CARMIL1: variants seen among roughly 807,000 people sequenced by gnomAD.
CARMIL1 encodes the protein capping protein regulator and myosin 1 linker 1, also known as F-actin-uncapping protein LRRC16A.
Under a neutral mutation model 177.1 loss-of-function variants are expected in CARMIL1, and 90 were observed. The observed-to-expected ratio is 0.51, with a 90% confidence interval of 0.43 to 0.61. The LOEUF (loss-of-function observed/expected upper bound fraction) is 0.61, where lower values mean the gene tolerates loss of function less well. Ranked by LOEUF, CARMIL1 falls within the 20% of genes least tolerant of loss-of-function variation. The pLI is 0.00. For missense variants in CARMIL1, 1,380 were observed against 1,667.0 expected (o/e 0.83, Z 3.00); for synonymous variants, 577 against 606.2 (o/e 0.95, Z 0.71).
At chr6:25,343,639 G>C (rs1787184910) in intron 2 of CARMIL1, among the ~76,000 whole-genome samples, 1 of 152,076 alleles carries the variant, frequency 6.6e-6, no homozygotes, top group Non-Finnish European at 1.5e-5. Flanking sequence ...CTTTACTTCA[G>C]CTTTTCCAAT....
At chr6:25,390,701 AT>A (rs992660550) in intron 2 of CARMIL1, among the ~76,000 whole-genome samples, 3 of 151,170 alleles carry the variant, frequency 2.0e-5, no homozygotes, top group Admixed American at 6.6e-5. Flanking sequence ...AAAAATTTTT[AT>A]TTTTTTTGCG....
intron 5 of CARMIL1, among the ~76,000 whole-genome samples, chr6:25,442,517 T>C (rs756286686): frequency 9.9e-5 from 15 of 151,686 alleles, no homozygotes; most frequent in Admixed American, 2.0e-4. Context: ...CGGTAACAAA[T>C]ACACTGATGG....
At chr6:25,569,258 G>A (rs1027476126) in intron 29 of CARMIL1, among the ~76,000 whole-genome samples, 11 of 152,298 alleles carry the variant, frequency 7.2e-5, no homozygotes, top group African/African-American at 2.4e-4. Context: ...CAGTAGGGAT[G>A]TTGATTAAAA....
In CARMIL1 at chr6:25,558,870, A is replaced by G. The variant is rs1344255483; in HGVS notation, c.2742+2020A>G. 6.6e-6 allele frequency among the ~76,000 whole-genome samples: 1 copy of G among 152,182 alleles called. No individual in the cohort carries two copies. The highest frequency in any genetic ancestry group is 2.4e-5 in the African/African-American group (1 of 41,448). ...TCAAAAAAAGAATATATAGGTAGGC[A>G]TGAGTTTTTAAGTCATGAAAGCAGC... On this transcript the variant is annotated intron_variant, in intron 29 of 36. Coordinates refer to ENST00000329474, the MANE Select transcript of CARMIL1 (RefSeq NM_017640.6). This position sits in a 1 kb window ranked among gnomAD's most constrained non-coding sequence, Gnocchi z 4.1.
chr6:25,310,359 G>A (rs1486970661), intron 2 of CARMIL1, among the ~76,000 whole-genome samples: 1 of 152,214 alleles, frequency 6.6e-6, no homozygotes, highest in Non-Finnish European at 1.5e-5. Context: ...TGAGAGATAG[G>A]TTGAATAGAA....
intron 5 of CARMIL1, among the ~76,000 whole-genome samples, chr6:25,448,851 C>T (rs975171557): frequency 2.6e-5 from 4 of 151,658 alleles, no homozygotes; most frequent in African/African-American, 7.3e-5. Context: ...TAAATGATTA[C>T]TCTGTGATAA....
intron 2 of CARMIL1, among the ~76,000 whole-genome samples, chr6:25,391,051 T>A (rs1792768281): frequency 6.6e-6 from 1 of 152,222 alleles, no homozygotes; most frequent in Non-Finnish European, 1.5e-5. Context: ...GAAAAAACTT[T>A]AAAGTTGGTT....
chr6:25,533,800 T>C (rs1452534020), intron 24 of CARMIL1, among the ~76,000 whole-genome samples: 2 of 152,232 alleles, frequency 1.3e-5, no homozygotes, highest in Admixed American at 6.5e-5. Flanking sequence ...CTCCTGGATC[T>C]AACCATTCAG....
At chr6:25,617,483 A>G (rs1183743643) in intron 36 of CARMIL1, among the ~76,000 whole-genome samples, 2 of 152,230 alleles carry the variant, frequency 1.3e-5, no homozygotes, top group East Asian at 1.9e-4. Flanking sequence ...CTGAAGACAA[A>G]TGAGCAGTGT....
chr6:25,526,685 T>C lies in CARMIL1; in HGVS notation c.1969-2110T>C, dbSNP rs183670981. Among the ~76,000 whole-genome samples, 7 of 152,136 alleles carry C rather than the reference T, an allele frequency of 4.6e-5. 1 individual carries two copies. In the East Asian group the frequency reaches 7.8e-4, roughly 17 times the overall value. On this transcript the variant is annotated intron_variant, in intron 23 of 36. Transcript: ENST00000329474. Reference sequence around the variant, plus strand: ...CTCCCACTTCAGCCTCCCGAGTAGCTAGAACTACAGGAGTGAGCCATAATG... The same window carrying C: ...CTCCCACTTCAGCCTCCCGAGTAGCCAGAACTACAGGAGTGAGCCATAATG...
At chr6:25,592,355 A>G (rs1814405754) in intron 31 of CARMIL1, among the ~76,000 whole-genome samples, 1 of 152,246 alleles carries the variant, frequency 6.6e-6, no homozygotes, top group Non-Finnish European at 1.5e-5. Flanking sequence ...TCTATCCTCA[A>G]TACTTTTCCA....
intron 2 of CARMIL1, among the ~76,000 whole-genome samples, chr6:25,397,700 G>T (rs1793539766): frequency 6.6e-6 from 1 of 152,154 alleles, no homozygotes; most frequent in Admixed American, 6.5e-5. Flanking sequence ...TCTGGATAAA[G>T]GATGGTGGTG....
chr6:25,343,470 C>G (rs1787165666), intron 2 of CARMIL1, among the ~76,000 whole-genome samples: 1 of 152,010 alleles, frequency 6.6e-6, no homozygotes, highest in Admixed American at 6.6e-5. Context: ...GATGCTACTC[C>G]TGGCAAGGAA....
At position 25,396,586 on chromosome 6, in the gene CARMIL1, T is replaced by C. The variant is rs1793420125; in HGVS notation, c.139-23528T>C. 3.9e-5 allele frequency among the ~76,000 whole-genome samples: 6 copies of C among 152,270 alleles called. No individual in the cohort carries two copies. The South Asian group carries it at 1.0e-3, about 26-fold the overall frequency. ...CATGTTGGCCAGGCTGGTCTCGAAC[T>C]GCTGACCTCAAGTGATCTGCCCGCC... is the stretch of plus-strand genomic sequence containing the variant. On this transcript the variant is annotated intron_variant, in intron 2 of 36. Transcript: ENST00000329474.
chr6:25,341,630 A>G (rs1383177609), intron 2 of CARMIL1, among the ~76,000 whole-genome samples: 1 of 152,248 alleles, frequency 6.6e-6, no homozygotes, highest in Non-Finnish European at 1.5e-5. Flanking sequence ...AAGCAGGAGA[A>G]TCACTTGAAC....
intron 24 of CARMIL1, among the ~76,000 whole-genome samples, chr6:25,532,553 T>C (rs1470689745): frequency 2.6e-5 from 4 of 152,172 alleles, no homozygotes; most frequent in Admixed American, 6.5e-5. Flanking sequence ...AACCTGAATA[T>C]AGAAAGGATA....
intron 5 of CARMIL1, among the ~76,000 whole-genome samples, chr6:25,448,211 C>A (rs1354307537): frequency 3.3e-5 from 5 of 152,176 alleles, no homozygotes; most frequent in African/African-American, 1.2e-4. Flanking sequence ...CCCATCTAAT[C>A]ATCACGTACT....
At position 25,279,581 on chromosome 6, in the gene CARMIL1, C is replaced by T; in HGVS notation, c.-215C>T. ...ACTGCGAGGAGGCGTCATGTAGCAG[C>T]AGCAGCAAATCCGCCTCGCATTTGC... On this transcript the variant is annotated 5_prime_UTR_variant, in exon 1 of 37. Coordinates refer to ENST00000329474, the MANE Select transcript of CARMIL1 (RefSeq NM_017640.6). The T allele has an allele frequency of 1.7e-6, 1 of 599,032 alleles. No homozygotes were observed. Among genetic ancestry groups the T allele is most frequent in the Non-Finnish European group, 3.0e-6 (1 of 334,666 alleles). 37.1% of individuals were successfully genotyped at this position (599,032 alleles called of 1,614,324 possible). A position where few individuals can be genotyped will look rare whatever the true frequency, so the allele number is the denominator to read the frequency against.
In CARMIL1 at chr6:25,615,554, G is replaced by A. The variant is rs1276243678; in HGVS notation, c.3980-3893G>A. On this transcript the variant is annotated intron_variant, in intron 36 of 36. Transcript: ENST00000329474. ...TTGTAATGGCTCCTGTTTGTACAGGGCATCTAAGATTCCTTTTATATATCA... is the reference window on the plus strand; with the variant it reads ...TTGTAATGGCTCCTGTTTGTACAGGACATCTAAGATTCCTTTTATATATCA... Among the ~76,000 whole-genome samples, 10 of 152,244 alleles carry A rather than the reference G, an allele frequency of 6.6e-5. 1 individual carries two copies. The East Asian group carries it at 1.2e-3, about 18-fold the overall frequency.
Sources: allele counts gnomAD v4.1 joint callset (sites outside exome capture counted in the v4.1 genomes callset), GRCh38; gene constraint gnomAD v4.1.1; non-coding constraint Gnocchi (gnomAD v3.1); transcripts MANE v1.5; gene names NCBI Gene and HGNC (gene_info 2026-07-23, HGNC 2026-07-21).